ZNF814: variants seen among roughly 807,000 people sequenced by gnomAD.
ZNF814 encodes the protein zinc finger protein 814.
A neutral mutation model predicts 7.5 loss-of-function variants in ZNF814; 5 were observed. The observed-to-expected ratio is 0.67, with a 90% CI of 0.35 to 1.40. The LOEUF is 1.40. ZNF814 is among the 40% of genes most tolerant of loss of function. The pLI is 0.04. For synonymous variants in ZNF814, 315 were observed against 340.7 expected, an observed-to-expected ratio of 0.92 and a Z score of 0.83; for missense variants, 962 against 1,018.0, an observed-to-expected ratio of 0.94 and a Z score of 0.75.
chr19:57,877,034 C>CACTGTG lies in ZNF814; in HGVS notation c.39_44dup (p.Val15_Thr16dup). The stretch of plus-strand genomic sequence containing the variant: ...AGTTCACAGCCACATCTTCAAAAGT[C>CACTGTG]ACTGTGCCCTGTTATGATGTTGACA... On this transcript the variant is annotated inframe_insertion, in exon 2 of 3. Transcript: ENST00000435989. 6.2e-7 allele frequency: 1 copy of CACTGTG among 1,614,114 alleles called. No individual in the cohort carries two copies. The highest frequency in any genetic ancestry group is 8.5e-7 in the Non-Finnish European group (1 of 1,179,980).
the ZNF814 span, among the ~76,000 whole-genome samples, chr19:57,896,673 T>C: frequency 6.6e-6 from 1 of 152,228 alleles, no homozygotes; most frequent in Admixed American, 6.5e-5. This position sits in a 1 kb window ranked among gnomAD's most constrained non-coding sequence, Gnocchi z 4.2. Context: ...CCACATTTTC[T>C]TTTAAGCTAT....
At chr19:57,891,299 G>A (rs1228491469), upstream of ZNF814, among the ~76,000 whole-genome samples, 1 of 152,186 alleles carries the variant, frequency 6.6e-6, no homozygotes, top group Admixed American at 6.5e-5. Flanking sequence ...GCTGAGGTGG[G>A]TGGATCACAA....
Position 57,888,909 on chromosome 19 carries a change from T to C in ZNF814, c.-107A>G. ...CAGGAGTGGGTCACGCTGGGCGCCG[T>C]CACAGAGCTCCAGAGTAGCCTCTGT... On this transcript the variant is annotated 5_prime_UTR_variant, in exon 1 of 3. Transcript: ENST00000435989. The C allele has an allele frequency of 7.9e-7, 1 of 1,263,916 alleles. No individual in the cohort carries two copies. Among genetic ancestry groups the C allele is most frequent in the East Asian group, 2.5e-5 (1 of 39,314 alleles). The allele number at this position is 1,263,916 out of a possible 1,614,324, so 78.3% of individuals were successfully genotyped here.
Position 57,878,841 on chromosome 19 carries a change from A to G in ZNF814, c.37-1799T>C, listed in dbSNP as rs563737023. 2.0e-5 allele frequency among the ~76,000 whole-genome samples: 3 copies of G among 152,306 alleles called. No homozygotes were observed. In the South Asian group the frequency reaches 6.2e-4, roughly 32 times the overall value. On this transcript the variant is annotated intron_variant, in intron 1 of 2. Transcript: ENST00000435989. ...CAGCACTCTGGGAGGCCAAAGTGTA[A>G]GGACTGCTTGATTCCAGGAGTTCAA...
chr19:57,894,874 T>C, the ZNF814 span, among the ~76,000 whole-genome samples: 1 of 152,078 alleles, frequency 6.6e-6, no homozygotes, highest in South Asian at 2.1e-4. Flanking sequence ...CTATCTAATC[T>C]TATTGCTCAT....
chr19:57,877,085 C>T (rs369574830), intron 1 of ZNF814, 43 bp from the exon 2 acceptor site: 1 of 1,608,510 alleles, frequency 6.2e-7, no homozygotes, highest in Non-Finnish European at 8.5e-7. Flanking sequence ...TGCCCCTATG[C>T]TGAGGTATCA....
chr19:57,883,591 G>A (rs1174116887), intron 1 of ZNF814, among the ~76,000 whole-genome samples: 1 of 151,206 alleles, frequency 6.6e-6, no homozygotes, highest in Non-Finnish European at 1.5e-5. Flanking sequence ...AACCTGGGAG[G>A]CGGAGGCTGC....
At chr19:57,879,487 CA>C (rs2071635205) in intron 1 of ZNF814, among the ~76,000 whole-genome samples, 3 of 149,094 alleles carry the variant, frequency 2.0e-5, no homozygotes, top group African/African-American at 7.4e-5. Flanking sequence ...GGGACCCAGG[CA>C]AAACATCTAG....
chr19:57,894,115 T>A, the ZNF814 span, among the ~76,000 whole-genome samples: 1 of 147,980 alleles, frequency 6.8e-6, no homozygotes, highest in Non-Finnish European at 1.5e-5. Context: ...CAGTGGCTCA[T>A]GCCTGTAACC....
chr19:57,889,067 G>C (rs1423622751), upstream of ZNF814: 3 of 532,554 alleles, frequency 5.6e-6, no homozygotes, highest in South Asian at 8.7e-5. Flanking sequence ...CGGAAGTCCG[G>C]ACCCATTGTC....
chr19:57,896,282 C>T, the ZNF814 span, among the ~76,000 whole-genome samples: 1 of 152,030 alleles, frequency 6.6e-6, no homozygotes, highest in Non-Finnish European at 1.5e-5. This position sits in a 1 kb window ranked among gnomAD's most constrained non-coding sequence, Gnocchi z 4.2. Context: ...AAAGGCTGCT[C>T]TTGAGCCATT....
the ZNF814 span, among the ~76,000 whole-genome samples, chr19:57,897,982 A>G: frequency 1.3e-5 from 2 of 152,224 alleles, no homozygotes; most frequent in Non-Finnish European, 2.9e-5. Context: ...CAGCAGGGAA[A>G]GCTGTATATT....
chr19:57,878,187 A>AGGT (rs2071622762), intron 1 of ZNF814, among the ~76,000 whole-genome samples: 1 of 129,488 alleles, frequency 7.7e-6, no homozygotes, highest in African/African-American at 2.9e-5. Context: ...AAAAAAAAAA[A>AGGT]ATCAAATATA....
intron 1 of ZNF814, among the ~76,000 whole-genome samples, chr19:57,879,843 G>T (rs1320574998): frequency 2.4e-5 from 3 of 125,644 alleles, no homozygotes; most frequent in Non-Finnish European, 1.7e-5. Flanking sequence ...TGTAATCCCA[G>T]CACTTTGGAA....
At position 57,869,841 on chromosome 19, in the gene ZNF814, AG is replaced by A. The variant is rs2071541113; in HGVS notation, c.*2980del. On this transcript the variant is annotated 3_prime_UTR_variant, in exon 3 of 3. Coordinates refer to ENST00000435989, the MANE Select transcript of ZNF814 (RefSeq NM_001144989.2). ...ATGCTTCCAGTCCCACCTACATGGG[AG>A]GCTGAGCCAGGAGAATTGCTTGAAC... 1.3e-5 allele frequency: 2 copies of A among 151,436 alleles called. No homozygotes were observed. Among genetic ancestry groups the A allele is most frequent in the Non-Finnish European group, 2.9e-5 (2 of 67,936 alleles). 9.4% of individuals were successfully genotyped at this position (151,436 alleles called of 1,614,324 possible).
chr19:57,897,505 T>C, the ZNF814 span, among the ~76,000 whole-genome samples: 3 of 152,176 alleles, frequency 2.0e-5, no homozygotes, highest in South Asian at 6.2e-4. Flanking sequence ...GACAGTGTCA[T>C]TCTAAATTTA....
In ZNF814 at chr19:57,872,270, T is replaced by C. The variant is rs1192242979; in HGVS notation, c.*552A>G. ...TAACATTCCATATACATCTATGGTGTTTTTCTCATGTCAATGTTTGAGGCT... is the reference window on the plus strand; with the variant it reads ...TAACATTCCATATACATCTATGGTGCTTTTCTCATGTCAATGTTTGAGGCT... On this transcript the variant is annotated 3_prime_UTR_variant, in exon 3 of 3. Coordinates refer to ENST00000435989, the MANE Select transcript of ZNF814 (RefSeq NM_001144989.2). Among the ~76,000 whole-genome samples the C allele has an allele frequency of 6.6e-6, 1 of 152,222 alleles. No homozygotes were observed. The highest frequency in any genetic ancestry group is 1.5e-5 in the Non-Finnish European group (1 of 68,034).
rs2071557321 is a variant in ZNF814 at position 57,871,581 on chromosome 19, C to G, written c.*1241G>C. Reference sequence around the variant, plus strand: ...ACAAACCGGAGAAATGGGAGGCAAGCTGTTCTTAGGATCATGACTTGGAGG... The same window carrying G: ...ACAAACCGGAGAAATGGGAGGCAAGGTGTTCTTAGGATCATGACTTGGAGG... On this transcript the variant is annotated 3_prime_UTR_variant, in exon 3 of 3. Coordinates refer to ENST00000435989, the MANE Select transcript of ZNF814 (RefSeq NM_001144989.2). The G allele has an allele frequency of 1.3e-5, 2 of 152,072 alleles. No homozygotes were observed. Among genetic ancestry groups the G allele is most frequent in the African/African-American group, 4.8e-5 (2 of 41,396 alleles). 9.4% of individuals were successfully genotyped at this position (152,072 alleles called of 1,614,324 possible).
rs1600134781 is a variant in ZNF814, at chr19:57,873,420, T to C, written c.1970A>G (p.Glu657Gly). Residue 657 changes from glutamate (E) to glycine (G), a missense_variant, in exon 3 of 3, where the codon GAA becomes GGA. By Grantham distance (98) the Glu-to-Gly change is moderately conservative (BLOSUM62 -2). Transcript: ENST00000435989. ...LRNHQRVHTT[E>G]RPFKCGECGK... ...ACATTCCCCACACTTAAAAGGTCTT[T>C]CTGTAGTGTGAACTCGCTGATGATT... The C allele has an allele frequency of 6.2e-7, 1 of 1,613,210 alleles. No homozygotes were observed. Among genetic ancestry groups the C allele is most frequent in the Non-Finnish European group, 8.5e-7 (1 of 1,179,606 alleles).
Sources: gnomAD v4.1 joint callset for allele counts (sites outside exome capture counted in the v4.1 genomes callset) on GRCh38, gnomAD v4.1.1 for gene constraint, Gnocchi (gnomAD v3.1) non-coding constraint, MANE v1.5 for transcripts, NCBI Gene and HGNC (gene_info 2026-07-23, HGNC 2026-07-21) for gene names.